CCDC171: variants seen among roughly 807,000 people sequenced by gnomAD.
CCDC171 encodes coiled-coil domain-containing protein 171.
In CCDC171, 177 loss-of-function variants were observed where a neutral mutation model predicts 168.2. The observed-to-expected ratio is 1.05, with a 90% confidence interval of 0.93 to 1.19. The LOEUF is 1.19. Ranked by LOEUF, CCDC171 falls within the 50% of genes most tolerant of loss-of-function variation. The pLI is 0.00. For synonymous variants in CCDC171, 687 were observed against 540.8 expected, an observed-to-expected ratio of 1.27 and a Z score of -3.75; for missense variants, 1,991 against 1,539.0, an observed-to-expected ratio of 1.29 and a Z score of -4.91.
chr9:15,729,913 G>C (rs2054050499), intron 16 of CCDC171, 115 bp downstream of exon 16: 1 of 731,924 alleles, frequency 1.4e-6, no homozygotes, highest in African/African-American at 1.7e-5. Context: ...GAACTTCGTA[G>C]AACTTGTTTA....
intron 23 of CCDC171, among the ~76,000 whole-genome samples, chr9:15,855,479 G>A (rs1215368779): frequency 6.6e-6 from 1 of 151,680 alleles, no homozygotes; most frequent in Admixed American, 6.6e-5. Flanking sequence ...AATGAATCAC[G>A]TTTTGAAAAA....
chr9:16,080,322 G>C, the CCDC171 span, among the ~76,000 whole-genome samples: 1 of 152,154 alleles, frequency 6.6e-6, no homozygotes, highest in African/African-American at 2.4e-5. Flanking sequence ...CAGTATGTTA[G>C]GGCTTTTGTG....
At chr9:15,816,580 A>T (rs2059569041) in intron 21 of CCDC171, among the ~76,000 whole-genome samples, 1 of 118,674 alleles carries the variant, frequency 8.4e-6, no homozygotes, top group African/African-American at 3.2e-5. Flanking sequence ...GGAGGCTAAC[A>T]GTATAATCCA....
intron 6 of CCDC171, among the ~76,000 whole-genome samples, chr9:15,618,058 G>A (rs1313651310): frequency 6.6e-6 from 1 of 152,178 alleles, no homozygotes; most frequent in African/African-American, 2.4e-5. Context: ...CCCCTTGTCA[G>A]GATCAGCCGC....
chr9:15,606,150 A>T (rs2043211666), intron 6 of CCDC171, among the ~76,000 whole-genome samples: 1 of 152,210 alleles, frequency 6.6e-6, no homozygotes, highest in Non-Finnish European at 1.5e-5. Flanking sequence ...TAAATATCTT[A>T]TTGTACTGTA....
intron 7 of CCDC171, among the ~76,000 whole-genome samples, chr9:15,638,184 A>T (rs1053607239): frequency 5.9e-5 from 9 of 152,168 alleles, no homozygotes; most frequent in African/African-American, 2.2e-4. Flanking sequence ...TTCTATTTGT[A>T]AGAATTTTAC....
intron 9 of CCDC171, among the ~76,000 whole-genome samples, chr9:15,669,467 G>A (rs968914261): frequency 6.6e-6 from 1 of 152,064 alleles, no homozygotes; most frequent in African/African-American, 2.4e-5. Context: ...ATTTATTTAT[G>A]TTAGGAACAT....
chr9:15,631,892 T>G (rs979748810), intron 7 of CCDC171, among the ~76,000 whole-genome samples: 7 of 152,066 alleles, frequency 4.6e-5, no homozygotes, highest in African/African-American at 1.7e-4. Context: ...ATGTAATCCA[T>G]CATATAAACA....
chr9:15,590,783 T>TTCTCTTTCTTTCTTTC (rs71304895), intron 4 of CCDC171, among the ~76,000 whole-genome samples: 1 of 114,146 alleles, frequency 8.8e-6, no homozygotes, highest in Non-Finnish European at 1.9e-5. Context: ...CTTTCTTTCT[T>TTCTCTTTCTTTCTTTC]TCTTTCTTTC....
At chr9:15,680,148 T>G (rs2049941322) in intron 10 of CCDC171, among the ~76,000 whole-genome samples, 1 of 152,198 alleles carries the variant, frequency 6.6e-6, no homozygotes, top group Non-Finnish European at 1.5e-5. Flanking sequence ...ATGAATGCAT[T>G]GAGGTTAACT....
chr9:15,636,447 C>G (rs78024246), intron 7 of CCDC171, among the ~76,000 whole-genome samples: 3 of 151,976 alleles, frequency 2.0e-5, no homozygotes, highest in Non-Finnish European at 4.4e-5. Context: ...TTGTAGATGG[C>G]TTACTAAAAA....
chr9:16,079,227 T>C, the CCDC171 span, among the ~76,000 whole-genome samples: 2 of 152,228 alleles, frequency 1.3e-5, no homozygotes, highest in South Asian at 4.1e-4. Flanking sequence ...CTGACTCTTC[T>C]GAAAGATCCC....
chr9:15,666,020 T>A (rs2048708826), intron 8 of CCDC171, 143 bp from the exon 9 acceptor site: 2 of 646,966 alleles, frequency 3.1e-6, no homozygotes, highest in South Asian at 2.2e-5. Context: ...TGTCTTTTAT[T>A]TATTTTTCTT....
At position 15,816,375 on chromosome 9, in the gene CCDC171, T is replaced by TC. The variant is rs796191373; in HGVS notation, c.3268-30327_3268-30326insC. Among the ~76,000 whole-genome samples the TC allele has an allele frequency of 2.9e-3, 346 of 119,306 alleles. 94 individuals are homozygous for TC. The highest frequency in any genetic ancestry group is 9.2e-3 in the African/African-American group (297 of 32,114). 78.3% of individuals were successfully genotyped at this position (119,306 alleles called of 152,430 possible). A position where few individuals can be genotyped will look rare whatever the true frequency, so the allele number is the denominator to read the frequency against. On this transcript the variant is annotated intron_variant, in intron 21 of 25. Coordinates refer to ENST00000380701, the MANE Select transcript of CCDC171 (RefSeq NM_173550.4). Reference sequence around the variant, plus strand: ...TGGACTAAACAAAATAACTTGTATATAATCTCATTATCACTCACATATAAA... The same window carrying TC: ...TGGACTAAACAAAATAACTTGTATATCAATCTCATTATCACTCACATATAAA...
At chr9:15,798,239 T>G (rs147925417) in intron 21 of CCDC171, among the ~76,000 whole-genome samples, 42 of 152,260 alleles carry the variant, frequency 2.8e-4, no homozygotes, top group African/African-American at 9.4e-4. Context: ...TATTATATTT[T>G]TAATGCTTGT....
upstream of CCDC171, among the ~76,000 whole-genome samples, chr9:16,041,381 T>A (rs2133056257): frequency 6.6e-6 from 1 of 152,280 alleles, no homozygotes; most frequent in South Asian, 2.1e-4. Context: ...TAATCTGGTG[T>A]CTAGAGCAAA....
At chr9:15,558,805 G>C (rs2039025352) in intron 1 of CCDC171, among the ~76,000 whole-genome samples, 3 of 152,048 alleles carry the variant, frequency 2.0e-5, no homozygotes, top group Admixed American at 2.0e-4. Flanking sequence ...TGCTTCTCTA[G>C]TTCTTTTAAT....
intron 20 of CCDC171, among the ~76,000 whole-genome samples, chr9:15,782,413 A>G (rs1048721292): frequency 6.6e-6 from 1 of 152,190 alleles, no homozygotes; most frequent in East Asian, 1.9e-4. Context: ...TTACAGAGGA[A>G]TAAACAGAAT....
chr9:15,787,422 T>A (rs941137461), intron 21 of CCDC171, among the ~76,000 whole-genome samples: 2 of 152,160 alleles, frequency 1.3e-5, no homozygotes, highest in African/African-American at 4.8e-5. Flanking sequence ...ACATAATTTA[T>A]TAACCTAATT....
Sources: allele counts gnomAD v4.1 joint callset (sites outside exome capture counted in the v4.1 genomes callset), GRCh38; gene constraint gnomAD v4.1.1; transcripts MANE v1.5; gene names NCBI Gene and HGNC (gene_info 2026-07-23, HGNC 2026-07-21).